The following TMC3 variants were observed in gnomAD, a reference collection of about 807,000 sequenced individuals.
TMC3 encodes the protein transmembrane channel like 3, also known as transmembrane channel-like protein 3.
TMC3 carries 98 observed loss-of-function variants against 110.6 expected under a neutral mutation model. The ratio of observed to expected loss-of-function variants is 0.89; its 90% CI spans 0.75 to 1.05. The LOEUF (loss-of-function observed/expected upper bound fraction) is 1.05, where lower values mean the gene tolerates loss of function less well. TMC3 is among the 50% of genes least tolerant of loss of function. TMC3 has a pLI of 0.00. For missense variants in TMC3, 1,319 were observed against 1,373.2 expected, an observed-to-expected ratio of 0.96 and a Z score of 0.62; for synonymous variants, 489 against 513.1, an observed-to-expected ratio of 0.95 and a Z score of 0.63.
At chr15:81,360,895 G>A (rs2141719277) in intron 4 of TMC3, among the ~76,000 whole-genome samples, 1 of 152,144 alleles carries the variant, frequency 6.6e-6, no homozygotes, top group Admixed American at 6.5e-5. Context: ...GGGTAGACTA[G>A]CCAAGGAAGG....
intron 13 of TMC3, 102 bp downstream of exon 13, chr15:81,344,664 T>C: frequency 8.2e-7 from 1 of 1,226,454 alleles, no homozygotes. Context: ...TCACTGAACT[T>C]TTCTTTTTTC....
chr15:81,351,661 T>C, intron 10 of TMC3, 33 bp downstream of exon 10: 1 of 1,551,316 alleles, frequency 6.4e-7, no homozygotes, highest in Non-Finnish European at 8.7e-7. Flanking sequence ...TATGTCTCTT[T>C]TCTAGGGTGC....
Position 81,339,510 on chromosome 15 carries a change from GATAA to G in TMC3, c.1845-10_1845-7del. 1 of 1,580,132 alleles carries G rather than the reference GATAA, an allele frequency of 6.3e-7. No individual in the cohort carries two copies. The highest frequency in any genetic ancestry group is 8.6e-7 in the Non-Finnish European group (1 of 1,160,902). Reference sequence around the variant, plus strand: ...CCAAGTAGAAGTTGTTGGATCTGCAGATAAATCAGATGTCATGTGTTAAGTTCAC... The same window carrying G: ...CCAAGTAGAAGTTGTTGGATCTGCAGATCAGATGTCATGTGTTAAGTTCAC... On this transcript the variant is annotated splice_polypyrimidine_tract_variant and splice_region_variant and intron_variant, in intron 16 of 21. Coordinates refer to ENST00000359440, the MANE Select transcript of TMC3 (RefSeq NM_001080532.3).
intron 9 of TMC3, among the ~76,000 whole-genome samples, chr15:81,355,249 C>T (rs973349986): frequency 1.1e-4 from 17 of 152,284 alleles, no homozygotes; most frequent in African/African-American, 3.9e-4. Context: ...ATTGCCCTTC[C>T]CTGGGAATGG....
At chr15:81,354,344 G>T (rs955808517) in intron 9 of TMC3, among the ~76,000 whole-genome samples, 1 of 152,208 alleles carries the variant, frequency 6.6e-6, no homozygotes, top group African/African-American at 2.4e-5. Context: ...ATGCAATGGG[G>T]TTGGCAGCAG....
Position 81,351,784 on chromosome 15 carries a change from A to G in TMC3, c.993T>C (p.Ala331=), listed in dbSNP as rs1336303822. Residue 331 remains alanine, a synonymous_variant, in exon 10 of 22, where the codon GCT becomes GCC. Transcript: ENST00000359440. ...CAAAGTAGATGAGATAAATGCTCCCAGCCAGTGAGAGAAGCACCAGGATGT... is the reference window on the plus strand; with the variant it reads ...CAAAGTAGATGAGATAAATGCTCCCGGCCAGTGAGAGAAGCACCAGGATGT... The part of the protein sequence containing the change: ...IANILVLLSL[A]GSIYLIYFVV... The G allele has an allele frequency of 6.2e-7, 1 of 1,609,292 alleles. No homozygotes were observed. Among genetic ancestry groups the G allele is most frequent in the South Asian group, 1.1e-5 (1 of 89,642 alleles).
chr15:81,333,780 G>A (rs1442762972), intron 21 of TMC3, among the ~76,000 whole-genome samples: 2 of 152,136 alleles, frequency 1.3e-5, no homozygotes, highest in East Asian at 3.9e-4. Context: ...CTTAAGGTCA[G>A]GAGTTTGAGA....
At chr15:81,361,652 T>G (rs1211690446) in intron 4 of TMC3, among the ~76,000 whole-genome samples, 1 of 152,222 alleles carries the variant, frequency 6.6e-6, no homozygotes, top group Non-Finnish European at 1.5e-5. Context: ...AAATTAATTT[T>G]TGGAAAATTA....
intron 19 of TMC3, chr15:81,337,499 G>C: frequency 2.5e-6 from 1 of 400,618 alleles, no homozygotes; most frequent in South Asian, 2.6e-5. Flanking sequence ...GATTGGGAAG[G>C]GGCCCTTTCT....
chr15:81,341,065 T>G (rs977968780), intron 16 of TMC3, among the ~76,000 whole-genome samples: 2 of 152,268 alleles, frequency 1.3e-5, no homozygotes, highest in African/African-American at 4.8e-5. Context: ...ATTTGTGTTT[T>G]GTTTTTTGAT....
chr15:81,332,718 C>T lies in TMC3; in HGVS notation c.3004G>A (p.Gly1002Ser), dbSNP rs761799420. The part of the protein sequence containing the change: ...HYKSWNEDFE[G>S]HLERPAYVPR... The stretch of plus-strand genomic sequence containing the variant: ...ACATAGGCTGGCCTCTCAAGGTGAC[C>T]CTCAAAATCTTCATTCCACGACTTG... The change falls in exon 22 of 22, where the codon GGT (glycine) becomes AGT (serine). Residue 1002 changes from glycine (G) to serine (S), a missense_variant. Coordinates refer to ENST00000359440, the MANE Select transcript of TMC3 (RefSeq NM_001080532.3). The T allele has an allele frequency of 6.2e-7, 1 of 1,613,812 alleles. No homozygotes were observed. The highest frequency in any genetic ancestry group is 8.5e-7 in the Non-Finnish European group (1 of 1,179,870).
In TMC3 at chr15:81,333,273, G is replaced by A; in HGVS notation, c.2460-11C>T. 1 of 1,590,042 alleles carries A rather than the reference G, an allele frequency of 6.3e-7. No individual in the cohort carries two copies. The highest frequency in any genetic ancestry group is 8.6e-7 in the Non-Finnish European group (1 of 1,165,578). ...AGACCGTGCAGATACCTGTAAGACA[G>A]GGGCGGTTAAGTAGCTGTGGCCTTG... On this transcript the variant is annotated splice_polypyrimidine_tract_variant and intron_variant, in intron 21 of 21. Coordinates refer to ENST00000359440, the MANE Select transcript of TMC3 (RefSeq NM_001080532.3).
chr15:81,346,085 A>C (rs1042340567), intron 12 of TMC3, among the ~76,000 whole-genome samples: 6 of 152,176 alleles, frequency 3.9e-5, no homozygotes, highest in African/African-American at 1.4e-4. Context: ...GGATTCAAAG[A>C]AATGGGGTAG....
intron 11 of TMC3, among the ~76,000 whole-genome samples, chr15:81,347,082 C>T (rs1173179797): frequency 6.6e-6 from 1 of 152,196 alleles, no homozygotes; most frequent in African/African-American, 2.4e-5. Context: ...GACTTGATGT[C>T]AGTTTCCCTA....
intron 2 of TMC3, among the ~76,000 whole-genome samples, 182 bp downstream of exon 2, chr15:81,372,393 CACACACACACACACAG>C (rs1596100519): frequency 1.4e-5 from 2 of 139,182 alleles, no homozygotes; most frequent in African/African-American, 3.1e-5. Flanking sequence ...CACACACACA[CACACACACACACACAG>C]AGGAACTGGC....
intron 15 of TMC3, among the ~76,000 whole-genome samples, chr15:81,342,443 C>T (rs1268999038): frequency 6.6e-6 from 1 of 152,136 alleles, no homozygotes; most frequent in Non-Finnish European, 1.5e-5. Context: ...CATGGGTTTA[C>T]TATAAGGATT....
At chr15:81,356,419 C>G (rs769684327) in intron 8 of TMC3, 28 bp downstream of exon 8, 4 of 1,554,220 alleles carry the variant, frequency 2.6e-6, no homozygotes, top group South Asian at 1.2e-5. Context: ...TGCCCACCCC[C>G]GCAGGCTGCA....
chr15:81,362,364 A>G, intron 3 of TMC3, 63 bp from the exon 4 acceptor site: 1 of 1,279,040 alleles, frequency 7.8e-7, no homozygotes, highest in Non-Finnish European at 1.1e-6. Context: ...GCTGTGCAGT[A>G]CTAGGCACCT....
chr15:81,349,197 CTCT>C (rs990998584), intron 11 of TMC3, among the ~76,000 whole-genome samples: 4 of 151,966 alleles, frequency 2.6e-5, no homozygotes, highest in African/African-American at 9.7e-5. Context: ...TCTCCTCCTC[CTCT>C]TCTTCCTCTT....
Sources: gnomAD v4.1 joint callset for allele counts (sites outside exome capture counted in the v4.1 genomes callset) on GRCh38, gnomAD v4.1.1 for gene constraint, MANE v1.5 for transcripts, NCBI Gene and HGNC (gene_info 2026-07-23, HGNC 2026-07-21) for gene names.